Variants in KLRG2 observed in about 807,000 individuals in gnomAD.
The protein encoded by KLRG2 is killer cell lectin like receptor G2.
Under a neutral mutation model 35.4 loss-of-function variants are expected in KLRG2, and 39 were observed. The observed-to-expected ratio is 1.10, with a 90% CI of 0.85 to 1.44. The LOEUF (loss-of-function observed/expected upper bound fraction) is 1.44. Ranked by LOEUF, KLRG2 falls within the 40% of genes most tolerant of loss-of-function variation. The pLI is 0.00. For synonymous variants in KLRG2, 283 were observed against 265.8 expected, an observed-to-expected ratio of 1.06 and a Z score of -0.63; for missense variants, 632 against 570.9, an observed-to-expected ratio of 1.11 and a Z score of -1.09.
chr7:139,429,426 G>C, the KLRG2 span, among the ~76,000 whole-genome samples: 1 of 150,806 alleles, frequency 6.6e-6, no homozygotes, highest in Non-Finnish European at 1.5e-5. Context: ...TTCTCGCAGA[G>C]GGGGATTTGG....
the KLRG2 span, among the ~76,000 whole-genome samples, chr7:139,441,656 C>T: frequency 6.6e-6 from 1 of 152,036 alleles, no homozygotes; most frequent in Admixed American, 6.6e-5. Context: ...CCTGTGGTCC[C>T]AGCTACTTGG....
At chr7:139,469,077 C>T (rs1468742384) in intron 3 of KLRG2, among the ~76,000 whole-genome samples, 1 of 152,210 alleles carries the variant, frequency 6.6e-6, no homozygotes, top group East Asian at 1.9e-4. Context: ...GCCTTCAGGA[C>T]TGTGAGAAAG....
the KLRG2 span, among the ~76,000 whole-genome samples, chr7:139,435,706 T>C: frequency 0.017 from 2,577 of 152,268 alleles, 76 homozygotes; most frequent in African/African-American, 0.059. Context: ...ATACAGACTT[T>C]CATGCCGACT....
intron 1 of KLRG2, among the ~76,000 whole-genome samples, chr7:139,480,515 G>A (rs1377663898): frequency 3.8e-5 from 5 of 130,514 alleles, no homozygotes; most frequent in Admixed American, 9.2e-5. Context: ...GTGCGATCTC[G>A]GCTCACTGCA....
chr7:139,431,694 A>G, the KLRG2 span, among the ~76,000 whole-genome samples: 1 of 152,216 alleles, frequency 6.6e-6, no homozygotes, highest in Admixed American at 6.5e-5. Context: ...GTCAGTTTCA[A>G]ACAATAGCAG....
At chr7:139,468,248 C>T (rs919499823) in intron 3 of KLRG2, among the ~76,000 whole-genome samples, 7 of 152,092 alleles carry the variant, frequency 4.6e-5, no homozygotes, top group Non-Finnish European at 8.8e-5. Flanking sequence ...ATATGCTGAA[C>T]GCTGGTCCCC....
Position 139,454,167 on chromosome 7 carries a change from G to C in KLRG2, c.1053C>G (p.Ala351=). Residue 351 remains alanine, a synonymous_variant, in exon 4 of 5, where the codon GCC becomes GCG. Coordinates refer to ENST00000340940, the MANE Select transcript of KLRG2 (RefSeq NM_198508.4). ...YPVSRHSWVG[A]WRGPQGWHWI... The stretch of plus-strand genomic sequence containing the variant: ...AGTGCCAGCCCTGGGGGCCTCGCCA[G>C]GCCCCCACCCAGGAGTGCCTGGAGA... 1 of 1,545,462 alleles carries C rather than the reference G, an allele frequency of 6.5e-7. No homozygotes were observed. The highest frequency in any genetic ancestry group is 8.7e-7 in the Non-Finnish European group (1 of 1,144,640).
At chr7:139,432,268 A>T in the KLRG2 span, among the ~76,000 whole-genome samples, 9 of 151,950 alleles carry the variant, frequency 5.9e-5, no homozygotes, top group Non-Finnish European at 4.4e-5. Flanking sequence ...AGGCGGGAGG[A>T]TCACTGGCGC....
At chr7:139,446,336 GTTTTTTTT>G in the KLRG2 span, among the ~76,000 whole-genome samples, 1 of 92,050 alleles carries the variant, frequency 1.1e-5, no homozygotes, top group Non-Finnish European at 2.0e-5. Context: ...ATTTTCCAGG[GTTTTTTTT>G]TTTTTTTTTT....
intron 3 of KLRG2, among the ~76,000 whole-genome samples, chr7:139,470,813 T>C (rs954362057): frequency 6.7e-6 from 1 of 149,422 alleles, no homozygotes; most frequent in Non-Finnish European, 1.5e-5. Context: ...AAAAATAAAA[T>C]AAAACCAGAT....
intron 3 of KLRG2, among the ~76,000 whole-genome samples, chr7:139,466,968 C>T (rs201368462): frequency 6.6e-6 from 1 of 151,966 alleles, no homozygotes; most frequent in East Asian, 1.9e-4. Context: ...CCTTTAATCT[C>T]TGTTTTTCTC....
the KLRG2 span, among the ~76,000 whole-genome samples, chr7:139,446,625 G>C: frequency 2.0e-5 from 3 of 152,098 alleles, no homozygotes; most frequent in Non-Finnish European, 4.4e-5. Flanking sequence ...ACAGGCGTGA[G>C]CCACCGCGCC....
chr7:139,450,364 C>T (rs973918137), downstream of KLRG2, among the ~76,000 whole-genome samples: 8 of 151,986 alleles, frequency 5.3e-5, no homozygotes, highest in East Asian at 1.6e-3. Flanking sequence ...GCTGGGACTA[C>T]AGGCGCCTGC....
At chr7:139,481,996 T>A (rs927205623) in intron 1 of KLRG2, among the ~76,000 whole-genome samples, 5 of 152,106 alleles carry the variant, frequency 3.3e-5, no homozygotes, top group African/African-American at 1.2e-4. Context: ...ATTCACCAAC[T>A]ACTCCCTCCA....
rs113788253 is a variant in KLRG2 at position 139,468,225 on chromosome 7, G to A, written c.1005+11402C>T. 4.4e-3 allele frequency among the ~76,000 whole-genome samples: 666 copies of A among 152,158 alleles called. 4 individuals carry two copies. The highest frequency in any genetic ancestry group is 0.011 in the African/African-American group (467 of 41,520). On this transcript the variant is annotated intron_variant, in intron 3 of 4. Transcript: ENST00000340940. ...TAAATACTAAGGGAACTCAGAGGCTGGCGGGATCCTCTATATGCTGAACGC... is the reference window on the plus strand; with the variant it reads ...TAAATACTAAGGGAACTCAGAGGCTAGCGGGATCCTCTATATGCTGAACGC...
At chr7:139,463,022 G>T (rs768440715) in intron 3 of KLRG2, among the ~76,000 whole-genome samples, 1 of 152,078 alleles carries the variant, frequency 6.6e-6, no homozygotes, top group Non-Finnish European at 1.5e-5. Context: ...CACCCGACGC[G>T]GCTTACAGTT....
chr7:139,456,858 GTCTTA>G (rs1464628558), intron 3 of KLRG2, among the ~76,000 whole-genome samples: 2 of 152,176 alleles, frequency 1.3e-5, no homozygotes, highest in Admixed American at 6.6e-5. Context: ...CCAGGAGCTT[GTCTTA>G]CTCAGCATCG....
chr7:139,450,199 CG>C (rs761110911), downstream of KLRG2, among the ~76,000 whole-genome samples: 66 of 151,872 alleles, frequency 4.3e-4, 1 homozygote, highest in Middle Eastern at 3.4e-3. Context: ...CCCACCACCA[CG>C]CCTGGCTAAT....
At chr7:139,468,946 C>A (rs556340814) in intron 3 of KLRG2, among the ~76,000 whole-genome samples, 2 of 152,228 alleles carry the variant, frequency 1.3e-5, no homozygotes, top group Admixed American at 6.5e-5. Flanking sequence ...CCGAGAGACA[C>A]TAGAGATGGG....
Sources: gnomAD v4.1 joint callset for allele counts (sites outside exome capture counted in the v4.1 genomes callset) on GRCh38, gnomAD v4.1.1 for gene constraint, MANE v1.5 for transcripts, NCBI Gene and HGNC (gene_info 2026-07-23, HGNC 2026-07-21) for gene names.